The following AGBL1 variants were observed in gnomAD, a reference collection of about 807,000 sequenced individuals.
AGBL1 encodes cytosolic carboxypeptidase 4.
Under a neutral mutation model 118.9 loss-of-function variants are expected in AGBL1, and 130 were observed. The ratio of observed to expected loss-of-function variants is 1.09; its 90% CI spans 0.95 to 1.26. The LOEUF is 1.26. AGBL1 is among the 50% of genes most tolerant of loss of function. The pLI is 0.00. For synonymous variants in AGBL1, 555 were observed against 478.9 expected, an observed-to-expected ratio of 1.16 and a Z score of -2.08; for missense variants, 1,584 against 1,298.1, an observed-to-expected ratio of 1.22 and a Z score of -3.38.
At chr15:86,301,149 C>T (rs1021418950) in intron 17 of AGBL1, among the ~76,000 whole-genome samples, 10 of 152,066 alleles carry the variant, frequency 6.6e-5, no homozygotes, top group Non-Finnish European at 7.4e-5. Context: ...GAAACTCAGG[C>T]GAACTGCAAA....
At chr15:86,773,482 C>G (rs1201441496) in intron 22 of AGBL1, among the ~76,000 whole-genome samples, 5 of 149,082 alleles carry the variant, frequency 3.4e-5, no homozygotes, top group Admixed American at 3.4e-4. Flanking sequence ...AGGTATATCT[C>G]CTAATGCTAT....
chr15:86,671,731 C>G (rs1416539427), intron 21 of AGBL1, among the ~76,000 whole-genome samples: 1 of 152,140 alleles, frequency 6.6e-6, no homozygotes, highest in Admixed American at 6.5e-5. Flanking sequence ...CATACCCAAA[C>G]CCAGAGAAGT....
intron 5 of AGBL1, among the ~76,000 whole-genome samples, chr15:86,161,925 G>A (rs1407275631): frequency 1.3e-5 from 2 of 152,142 alleles, no homozygotes; most frequent in South Asian, 2.1e-4. Flanking sequence ...TAGGTTTATT[G>A]TGGGCAATAA....
At chr15:86,930,309 T>A (rs961432302) in intron 23 of AGBL1, among the ~76,000 whole-genome samples, 1 of 152,112 alleles carries the variant, frequency 6.6e-6, no homozygotes, top group Non-Finnish European at 1.5e-5. Flanking sequence ...AGGGTAACTA[T>A]GAACAGGATG....
At chr15:86,683,429 C>T (rs908193293) in intron 22 of AGBL1, among the ~76,000 whole-genome samples, 3 of 152,262 alleles carry the variant, frequency 2.0e-5, no homozygotes, top group South Asian at 4.1e-4. Flanking sequence ...TTTCTTCATA[C>T]TGCATTTGCT....
At chr15:86,505,336 A>G (rs561549982) in intron 18 of AGBL1, among the ~76,000 whole-genome samples, 1 of 151,010 alleles carries the variant, frequency 6.6e-6, no homozygotes, top group Admixed American at 6.6e-5. Flanking sequence ...CTTTTTTTTA[A>G]CTATTTGTTC....
chr15:86,423,057 A>G (rs998178978), intron 18 of AGBL1, among the ~76,000 whole-genome samples: 1 of 152,184 alleles, frequency 6.6e-6, no homozygotes, highest in African/African-American at 2.4e-5. Context: ...AAACAATAGA[A>G]AAAGAGGGAC....
chr15:86,916,408 G>A (rs1272926372), downstream of AGBL1, among the ~76,000 whole-genome samples: 3 of 152,010 alleles, frequency 2.0e-5, no homozygotes, highest in Non-Finnish European at 2.9e-5. Context: ...TTGATGTCCT[G>A]GACTTTGTGT....
At chr15:86,965,578 G>T (rs149092264) in intron 23 of AGBL1, among the ~76,000 whole-genome samples, 2,408 of 152,016 alleles carry the variant, frequency 0.016, 73 homozygotes, top group African/African-American at 0.055. Context: ...CCATTCTGTA[G>T]ATTGCCTGTT....
intron 17 of AGBL1, among the ~76,000 whole-genome samples, chr15:86,349,373 G>A (rs766404012): frequency 2.6e-5 from 4 of 152,124 alleles, no homozygotes; most frequent in Non-Finnish European, 5.9e-5. Context: ...AGAATGATGA[G>A]ATTAAAAAAC....
At chr15:86,820,784 GATCTAGA>G (rs2078931013) in intron 22 of AGBL1, among the ~76,000 whole-genome samples, 1 of 152,212 alleles carries the variant, frequency 6.6e-6, no homozygotes, top group East Asian at 1.9e-4. Context: ...ATTCCTCAAG[GATCTAGA>G]ATCAGAAATA....
chr15:86,600,190 G>A (rs2084472020), intron 21 of AGBL1, among the ~76,000 whole-genome samples: 1 of 152,146 alleles, frequency 6.6e-6, no homozygotes, highest in South Asian at 2.1e-4. Context: ...TTCGGAGGAA[G>A]TTAACACATT....
At chr15:86,840,591 G>A (rs952131065) in intron 22 of AGBL1, among the ~76,000 whole-genome samples, 3 of 151,982 alleles carry the variant, frequency 2.0e-5, no homozygotes, top group South Asian at 2.1e-4. Context: ...GATTACAGGC[G>A]TGTACTACCA....
chr15:86,183,533 T>C (rs183515508), intron 5 of AGBL1, among the ~76,000 whole-genome samples: 1 of 152,270 alleles, frequency 6.6e-6, no homozygotes, highest in East Asian at 1.9e-4. Context: ...TGATGAGTTT[T>C]TTCCTCAAAT....
intron 19 of AGBL1, among the ~76,000 whole-genome samples, chr15:86,539,037 G>C (rs954518508): frequency 1.3e-5 from 2 of 152,124 alleles, no homozygotes; most frequent in Non-Finnish European, 2.9e-5. Flanking sequence ...TTGCAATTTA[G>C]CTCAGACAAG....
chr15:86,389,357 A>G (rs1202608115), intron 17 of AGBL1, among the ~76,000 whole-genome samples: 1 of 152,184 alleles, frequency 6.6e-6, no homozygotes, highest in Non-Finnish European at 1.5e-5. Flanking sequence ...TCTTGGTGGA[A>G]GAAACATGGA....
intron 1 of AGBL1, among the ~76,000 whole-genome samples, chr15:86,094,194 A>G (rs902446059): frequency 3.3e-5 from 5 of 152,172 alleles, no homozygotes; most frequent in African/African-American, 1.2e-4. Flanking sequence ...GCTCTCATTT[A>G]TAAGCTTGTG....
chr15:86,918,788 C>T (rs1310063469), downstream of AGBL1, among the ~76,000 whole-genome samples: 1 of 152,126 alleles, frequency 6.6e-6, no homozygotes, highest in East Asian at 1.9e-4. Context: ...ATGTTCAGAG[C>T]AACATTTTTA....
rs546049168 is a variant in AGBL1, at chr15:86,299,069, G to T, written c.2374+3661G>T. Among the ~76,000 whole-genome samples, 16 of 152,222 alleles carry T rather than the reference G, an allele frequency of 1.1e-4. No individual in the cohort carries two copies. The South Asian group carries it at 2.3e-3, about 22-fold the overall frequency. ...TTACTTTCTTGATAACTTATTTTCA[G>T]TTGAGTCGTCACCAGATTTGCCAGC... On this transcript the variant is annotated intron_variant, in intron 17 of 22. Coordinates refer to ENST00000614907, the MANE Select transcript of AGBL1 (RefSeq NM_001386094.1).
Sources: gnomAD v4.1 joint callset for allele counts (sites outside exome capture counted in the v4.1 genomes callset) on GRCh38, gnomAD v4.1.1 for gene constraint, MANE v1.5 for transcripts, NCBI Gene and HGNC (gene_info 2026-07-23, HGNC 2026-07-21) for gene names.